AGO2: variants seen among roughly 807,000 people sequenced by gnomAD.
AGO2 encodes the protein argonaute RISC catalytic component 2.
Under a neutral mutation model 102.3 loss-of-function variants are expected in AGO2, and 5 were observed. That is an observed-to-expected ratio of 0.05 (90% confidence interval 0.03 to 0.10). The LOEUF (loss-of-function observed/expected upper bound fraction) is 0.10, where lower values mean the gene tolerates loss of function less well. AGO2 is among the 10% of genes least tolerant of loss of function. The pLI is 1.00. For synonymous variants in AGO2, 449 were observed against 473.1 expected (o/e 0.95, Z 0.66); for missense variants, 541 against 1,183.7 (o/e 0.46, Z 7.97).
At chr8:140,621,687 C>T (rs1588513174) in intron 1 of AGO2, among the ~76,000 whole-genome samples, 1 of 152,168 alleles carries the variant, frequency 6.6e-6, no homozygotes, top group Non-Finnish European at 1.5e-5. Flanking sequence ...ATTAGGTGAT[C>T]TGGGCAAAAC....
intron 1 of AGO2, among the ~76,000 whole-genome samples, chr8:140,617,185 C>T (rs536956299): frequency 9.9e-5 from 15 of 152,254 alleles, no homozygotes; most frequent in South Asian, 2.1e-4. Flanking sequence ...TAGCAGCTAA[C>T]GCGAGCACCT....
intron 1 of AGO2, among the ~76,000 whole-genome samples, chr8:140,634,251 G>T (rs1246730851): frequency 6.6e-6 from 1 of 152,282 alleles, no homozygotes; most frequent in East Asian, 1.9e-4. Flanking sequence ...AAGGCACAGA[G>T]CCAACAGCTC....
chr8:140,634,626 G>A (rs1214576862), intron 1 of AGO2, among the ~76,000 whole-genome samples: 1 of 152,250 alleles, frequency 6.6e-6, no homozygotes, highest in Non-Finnish European at 1.5e-5. Flanking sequence ...ACCGCTTTAA[G>A]TTTTTTAGAA....
At chr8:140,609,161 G>A (rs938878375) in intron 1 of AGO2, among the ~76,000 whole-genome samples, 3 of 152,274 alleles carry the variant, frequency 2.0e-5, no homozygotes, top group Admixed American at 2.0e-4. Context: ...GAAGGGAAAG[G>A]AAAAGCCAGC....
At chr8:140,537,843 T>C (rs1202508541) in intron 16 of AGO2, among the ~76,000 whole-genome samples, 3 of 152,172 alleles carry the variant, frequency 2.0e-5, no homozygotes, top group Non-Finnish European at 4.4e-5. Context: ...TTTTTTGAGA[T>C]AGTCTCACTC....
chr8:140,640,819 C>T, the AGO2 span, among the ~76,000 whole-genome samples: 1 of 152,150 alleles, frequency 6.6e-6, no homozygotes, highest in African/African-American at 2.4e-5. Flanking sequence ...ACGCCTGGCC[C>T]AGCTGGTGTT....
At chr8:140,565,643 A>C (rs1461106886) in intron 3 of AGO2, among the ~76,000 whole-genome samples, 1 of 139,358 alleles carries the variant, frequency 7.2e-6, no homozygotes, top group Non-Finnish European at 1.6e-5. Context: ...CTCTGTCTCA[A>C]AAAAAAAAAA....
intron 13 of AGO2, 90 bp downstream of exon 13, chr8:140,547,378 C>T: frequency 2.0e-6 from 3 of 1,491,746 alleles, no homozygotes; most frequent in South Asian, 2.6e-5. Flanking sequence ...AGGGACCCTG[C>T]CCCCCTGCCC....
At chr8:140,565,235 C>T (rs1424111538) in intron 3 of AGO2, among the ~76,000 whole-genome samples, 3 of 151,816 alleles carry the variant, frequency 2.0e-5, no homozygotes, top group Non-Finnish European at 4.4e-5. Context: ...ATCAGGAGAT[C>T]GAGACCATCC....
At chr8:140,608,443 C>A (rs962831440) in intron 1 of AGO2, among the ~76,000 whole-genome samples, 4 of 152,258 alleles carry the variant, frequency 2.6e-5, no homozygotes, top group Non-Finnish European at 5.9e-5. Flanking sequence ...GCCCAACAGA[C>A]AGGTCTGCAG....
At chr8:140,582,953 C>A (rs976518219) in intron 2 of AGO2, among the ~76,000 whole-genome samples, 15 of 152,204 alleles carry the variant, frequency 9.9e-5, no homozygotes, top group African/African-American at 3.4e-4. Flanking sequence ...ACTGGTAAAG[C>A]TTGACTTCTG....
Position 140,532,475 on chromosome 8 carries a change from G to A in AGO2, c.2412C>T (p.Tyr804=). 6.2e-7 allele frequency: 1 copy of A among 1,614,282 alleles called. No individual in the cohort carries two copies. ...TRSVSIPAPA[Y]YAHLVAFRAR... ...CCCGGAAGGCCACCAGGTGAGCGTA[G>A]TATGCTGGCGCTGGGATGGACACGG... The change falls in exon 18 of 19, where the codon TAC becomes TAT. Residue 804 remains tyrosine (Y), a synonymous_variant. Coordinates refer to ENST00000220592, the MANE Select transcript of AGO2 (RefSeq NM_012154.5).
intron 3 of AGO2, among the ~76,000 whole-genome samples, chr8:140,565,641 CAAA>C (rs34444857): frequency 9.0e-6 from 1 of 110,682 alleles, no homozygotes. Context: ...GACTCTGTCT[CAAA>C]AAAAAAAAAA....
intron 10 of AGO2, among the ~76,000 whole-genome samples, chr8:140,551,977 A>C (rs936984958): frequency 6.6e-6 from 1 of 152,052 alleles, no homozygotes; most frequent in African/African-American, 2.4e-5. Flanking sequence ...AGTTAGATGG[A>C]GGATGGATGG....
intron 1 of AGO2, among the ~76,000 whole-genome samples, chr8:140,586,870 TC>T (rs1213354498): frequency 4.6e-5 from 7 of 151,816 alleles, no homozygotes; most frequent in African/African-American, 1.7e-4. Flanking sequence ...GATTTCAGGG[TC>T]GGGCACGCTC....
At position 140,560,474 on chromosome 8, in the gene AGO2, G is replaced by A. The variant is rs751029176; in HGVS notation, c.555C>T (p.Ser185=). ...TPVGRSFFTA[S]EGCSNPLGGG... Reference sequence around the variant, plus strand: ...CGCCAAGAGGGTTAGAGCAGCCTTCGGACGCGGTGAAGAAGGAGCGGCCCA... The same window carrying A: ...CGCCAAGAGGGTTAGAGCAGCCTTCAGACGCGGTGAAGAAGGAGCGGCCCA... Residue 185 remains serine, a synonymous_variant, in exon 5 of 19, where the codon TCC becomes TCT. Transcript: ENST00000220592. 19 of 1,614,054 alleles carry A rather than the reference G, an allele frequency of 1.2e-5. No individual in the cohort carries two copies. In the East Asian group the frequency reaches 1.3e-4, roughly 11 times the overall value.
chr8:140,521,930 G>C lies in AGO2; in HGVS notation c.*10114C>G, dbSNP rs761653430. On this transcript the variant is annotated 3_prime_UTR_variant, in exon 19 of 19. Transcript: ENST00000220592. ...CCTTCACTGGCACAGAAAATGAAGT[G>C]ATAAGCTATAAATATGTGCATAGAG... is the stretch of plus-strand genomic sequence containing the variant. 6.6e-6 allele frequency: 1 copy of C among 152,192 alleles called. No homozygotes were observed. The highest frequency in any genetic ancestry group is 2.1e-4 in the South Asian group (1 of 4,834). The allele number at this position is 152,192 out of a possible 1,614,324, so 9.4% of individuals were successfully genotyped here. A position where few individuals can be genotyped will look rare whatever the true frequency, so the allele number is the denominator to read the frequency against.
chr8:140,541,379 T>C, intron 14 of AGO2, 21 bp from the exon 15 acceptor site: 1 of 1,581,072 alleles, frequency 6.3e-7, no homozygotes, highest in Admixed American at 1.8e-5. Flanking sequence ...AGGCAGTGAG[T>C]GTGGTCAGGG....
rs1588438836 is a variant in AGO2, at chr8:140,540,148, C to T, written c.2035-694G>A. On this transcript the variant is annotated intron_variant, in intron 15 of 18. Transcript: ENST00000220592. The surrounding 1 kb of genome is among the most constrained non-coding windows in gnomAD (Gnocchi z 5.0). ...CAAAAAACAAAGCAGCTCAGGCAGGCTCCAGCCAGAAGTGCTGGCCGGTCA... is the reference window on the plus strand; with the variant it reads ...CAAAAAACAAAGCAGCTCAGGCAGGTTCCAGCCAGAAGTGCTGGCCGGTCA... 6.6e-6 allele frequency among the ~76,000 whole-genome samples: 1 copy of T among 152,164 alleles called. No homozygotes were observed. Among genetic ancestry groups the T allele is most frequent in the Non-Finnish European group, 1.5e-5 (1 of 68,012 alleles).
Sources: gnomAD v4.1 joint callset for allele counts (sites outside exome capture counted in the v4.1 genomes callset) on GRCh38, gnomAD v4.1.1 for gene constraint, Gnocchi (gnomAD v3.1) non-coding constraint, MANE v1.5 for transcripts, NCBI Gene and HGNC (gene_info 2026-07-23, HGNC 2026-07-21) for gene names.